Variants in GDAP1L1 observed in about 807,000 individuals in gnomAD.
GDAP1L1 encodes the protein ganglioside-induced differentiation-associated protein 1-like 1.
In GDAP1L1, 21 loss-of-function variants were observed where a neutral mutation model predicts 37.1. The observed-to-expected ratio is 0.57, with a 90% CI of 0.40 to 0.81. The LOEUF is 0.81. Ranked by LOEUF, GDAP1L1 falls within the 40% of genes least tolerant of loss-of-function variation. GDAP1L1 has a pLI of 0.00. For missense variants in GDAP1L1, 362 were observed against 491.6 expected (o/e 0.74, Z 2.49); for synonymous variants, 193 against 209.1 (o/e 0.92, Z 0.67).
At chr20:44,270,971 T>C (rs1368836285) in intron 5 of GDAP1L1, among the ~76,000 whole-genome samples, 1 of 152,154 alleles carries the variant, frequency 6.6e-6, no homozygotes, top group Non-Finnish European at 1.5e-5. Context: ...TTTAAAACTG[T>C]CGCAGCTGAA....
chr20:44,270,164 ATTTTTTT>A lies in GDAP1L1; in HGVS notation c.760+5623_760+5629del, dbSNP rs397756226. Among the ~76,000 whole-genome samples, 295 of 100,598 alleles carry A rather than the reference ATTTTTTT, an allele frequency of 2.9e-3. 2 individuals carry two copies. The highest frequency in any genetic ancestry group is 4.7e-3 in the Non-Finnish European group (251 of 53,582). The allele number at this position is 100,598 out of a possible 152,430, so 66.0% of individuals were successfully genotyped here. A position where few individuals can be genotyped will look rare whatever the true frequency, so the allele number is the denominator to read the frequency against. On this transcript the variant is annotated intron_variant, in intron 5 of 5. Coordinates refer to ENST00000342560, the MANE Select transcript of GDAP1L1 (RefSeq NM_024034.6). ...ACTGCTGTCAACCTCAGTGTCTTAA[ATTTTTTT>A]TTTTTTTTTTTTTTTTTGAGACGGA...
chr20:44,258,868 C>G (rs1278499647), intron 3 of GDAP1L1, among the ~76,000 whole-genome samples: 3 of 151,952 alleles, frequency 2.0e-5, no homozygotes, highest in African/African-American at 7.3e-5. Flanking sequence ...GACTTCCCGG[C>G]CTTCCATCTC....
chr20:44,257,185 G>A lies in GDAP1L1; in HGVS notation c.213G>A (p.Val71=). 6.2e-7 allele frequency: 1 copy of A among 1,605,150 alleles called. No homozygotes were observed. Among genetic ancestry groups the A allele is most frequent in the Non-Finnish European group, 8.5e-7 (1 of 1,177,004 alleles). The part of the protein sequence containing the change: ...VRLVIAEKGL[V]CEERDVSLPQ... ...TGGTGATCGCCGAGAAGGGCCTGGT[G>A]TGCGAGGAGCGGGACGTGAGCCTGC... Residue 71 remains valine, a synonymous_variant, in exon 2 of 6, where the codon GTG becomes GTA. Transcript: ENST00000342560.
chr20:44,265,296 C>T, intron 5 of GDAP1L1: 3 of 985,334 alleles, frequency 3.0e-6, no homozygotes, highest in Non-Finnish European at 3.6e-6. Flanking sequence ...CCTCCTGGAG[C>T]ACCCTTCCTA....
chr20:44,276,463 A>AGAAAGAAAGAAAGAAT (rs977887973), intron 5 of GDAP1L1, among the ~76,000 whole-genome samples: 7 of 151,730 alleles, frequency 4.6e-5, no homozygotes, highest in African/African-American at 1.7e-4. Flanking sequence ...AAAGAAAGAA[A>AGAAAGAAAGAAAGAAT]GAAAAAGAAA....
chr20:44,278,786 A>G (rs2062611136), intron 5 of GDAP1L1, among the ~76,000 whole-genome samples, 171 bp from the exon 6 acceptor site: 1 of 152,258 alleles, frequency 6.6e-6, no homozygotes, highest in South Asian at 2.1e-4. Flanking sequence ...CAAAAAAATA[A>G]TAATAGAAGT....
At chr20:44,276,507 A>G (rs1490806408) in intron 5 of GDAP1L1, among the ~76,000 whole-genome samples, 1 of 150,948 alleles carries the variant, frequency 6.6e-6, no homozygotes, top group Non-Finnish European at 1.5e-5. Context: ...GGGAGGGAAG[A>G]AAGAAAGAAG....
intron 4 of GDAP1L1, among the ~76,000 whole-genome samples, chr20:44,263,690 A>G (rs2073713020): frequency 6.6e-6 from 1 of 152,122 alleles, no homozygotes; most frequent in African/African-American, 2.4e-5. Flanking sequence ...CTAAAAATAC[A>G]AAAATTAGCC....
intron 1 of GDAP1L1, among the ~76,000 whole-genome samples, chr20:44,256,192 C>G (rs557195246): frequency 6.6e-6 from 1 of 152,218 alleles, no homozygotes; most frequent in South Asian, 2.1e-4. Flanking sequence ...CTTTAGTTTT[C>G]TCATCAAGAA....
chr20:44,273,442 T>G (rs867816713), intron 5 of GDAP1L1, among the ~76,000 whole-genome samples: 74 of 152,292 alleles, frequency 4.9e-4, no homozygotes, highest in African/African-American at 1.5e-3. Flanking sequence ...TTACGTCACT[T>G]GATCCTTTCA....
At chr20:44,260,285 C>CAA (rs113753379) in intron 3 of GDAP1L1, among the ~76,000 whole-genome samples, 2,867 of 110,160 alleles carry the variant, frequency 0.026, 115 homozygotes, top group African/African-American at 0.083. Context: ...AAGTGAAGGG[C>CAA]AAAAAAAAAA....
At chr20:44,257,936 C>T (rs765104932) in intron 2 of GDAP1L1, among the ~76,000 whole-genome samples, 21 of 152,116 alleles carry the variant, frequency 1.4e-4, no homozygotes, top group African/African-American at 5.1e-4. Flanking sequence ...CCCAAAACCC[C>T]GCAGGCAGAG....
intron 5 of GDAP1L1, chr20:44,264,834 G>T (rs1568653947): frequency 8.6e-7 from 1 of 1,163,680 alleles, no homozygotes. Flanking sequence ...GAGACATTGT[G>T]TGAAATAATA....
intron 1 of GDAP1L1, among the ~76,000 whole-genome samples, chr20:44,252,545 C>G (rs762091416): frequency 3.9e-5 from 6 of 152,338 alleles, no homozygotes; most frequent in Admixed American, 1.3e-4. Flanking sequence ...GAGGCTGAGA[C>G]AAGAGAATCG....
intron 4 of GDAP1L1, 58 bp from the exon 5 acceptor site, chr20:44,264,387 G>A: frequency 7.1e-7 from 1 of 1,408,278 alleles, no homozygotes; most frequent in Non-Finnish European, 9.2e-7. Flanking sequence ...TTCCATCCCT[G>A]AACATCCTGG....
chr20:44,254,545 C>T (rs916842961), intron 1 of GDAP1L1, among the ~76,000 whole-genome samples: 17 of 152,212 alleles, frequency 1.1e-4, no homozygotes, highest in African/African-American at 2.7e-4. Context: ...AGCAGGGCTG[C>T]GGGGCACTCT....
chr20:44,255,849 G>A (rs889707428), intron 1 of GDAP1L1, among the ~76,000 whole-genome samples: 2 of 152,144 alleles, frequency 1.3e-5, no homozygotes, highest in African/African-American at 4.8e-5. Flanking sequence ...AGGGGATCTT[G>A]GACAAGCCCA....
rs137937932 is a variant in GDAP1L1, at chr20:44,275,566, G to A, written c.761-3391G>A. On this transcript the variant is annotated intron_variant, in intron 5 of 5. Transcript: ENST00000342560. ...TGGGGTACAGCAGAGACAAAGGCCC[G>A]GAGGCTGAAGTGGCAGCTTGTTGGG... Among the ~76,000 whole-genome samples the A allele has an allele frequency of 3.7e-3, 556 of 152,274 alleles. 3 individuals are homozygous for A. The highest frequency in any genetic ancestry group is 4.2e-3 in the Non-Finnish European group (284 of 68,018).
At chr20:44,278,320 G>C (rs967923590) in intron 5 of GDAP1L1, among the ~76,000 whole-genome samples, 1 of 152,158 alleles carries the variant, frequency 6.6e-6, no homozygotes, top group Non-Finnish European at 1.5e-5. Context: ...CAGACACCAA[G>C]TGGAACTGTC....
Sources: allele counts gnomAD v4.1 joint callset (sites outside exome capture counted in the v4.1 genomes callset), GRCh38; gene constraint gnomAD v4.1.1; transcripts MANE v1.5; gene names NCBI Gene and HGNC (gene_info 2026-07-23, HGNC 2026-07-21).